The following DCUN1D4 variants were observed in gnomAD, a reference collection of about 807,000 sequenced individuals.
DCUN1D4 encodes DCN1-like protein 4.
In DCUN1D4, 22 loss-of-function variants were observed where a neutral mutation model predicts 47.9. That is an observed-to-expected ratio of 0.46 (90% CI 0.33 to 0.66). DCUN1D4 has a LOEUF of 0.66. Ranked by LOEUF, DCUN1D4 falls within the 30% of genes least tolerant of loss-of-function variation. The pLI is 0.02. For synonymous variants in DCUN1D4, 121 were observed against 112.2 expected (o/e 1.08, Z -0.50); for missense variants, 301 against 340.8 (o/e 0.88, Z 0.92).
chr4:51,888,676 A>T (rs1215793769), intron 6 of DCUN1D4, among the ~76,000 whole-genome samples: 1 of 151,066 alleles, frequency 6.6e-6, no homozygotes, highest in Non-Finnish European at 1.5e-5. Flanking sequence ...CAGAGCCGAC[A>T]TCATGCCACT....
At chr4:51,865,269 T>C (rs560365586) in intron 3 of DCUN1D4, 4 of 235,110 alleles carry the variant, frequency 1.7e-5, no homozygotes, top group South Asian at 1.3e-4. Flanking sequence ...ATAAAGTGTT[T>C]TGCAGCCAAG....
Position 51,843,180 on chromosome 4 carries a change from G to C in DCUN1D4, c.-63G>C. The C allele has an allele frequency of 6.5e-7, 1 of 1,535,360 alleles. No individual in the cohort carries two copies. The highest frequency in any genetic ancestry group is 1.2e-5 in the South Asian group (1 of 82,468). ...CTTCGAGCCGAGGTGCAGTGAGCTG[G>C]TGGGGGGACCGCGAGGCGAGCGCGG... is the stretch of plus-strand genomic sequence containing the variant. On this transcript the variant is annotated 5_prime_UTR_variant, in exon 1 of 11. Coordinates refer to ENST00000334635, the MANE Select transcript of DCUN1D4 (RefSeq NM_001040402.3).
At chr4:51,850,127 A>G (rs1001659540) in intron 1 of DCUN1D4, among the ~76,000 whole-genome samples, 1 of 152,116 alleles carries the variant, frequency 6.6e-6, no homozygotes, top group Non-Finnish European at 1.5e-5. Context: ...GGCCTCCTCC[A>G]TATTAGCTGA....
intron 1 of DCUN1D4, among the ~76,000 whole-genome samples, chr4:51,862,732 C>T (rs900076465): frequency 2.6e-5 from 4 of 152,054 alleles, no homozygotes; most frequent in South Asian, 4.2e-4. Flanking sequence ...GTTGAGGCTG[C>T]GCGTAGTGGC....
At chr4:51,844,530 T>C (rs1170020506) in intron 1 of DCUN1D4, 6 of 402,356 alleles carry the variant, frequency 1.5e-5, no homozygotes, top group Non-Finnish European at 2.0e-5. Context: ...GCCGGGGAGG[T>C]GTCGGGGTCC....
chr4:51,842,413 G>A (rs556502426), upstream of DCUN1D4, among the ~76,000 whole-genome samples: 27 of 152,340 alleles, frequency 1.8e-4, no homozygotes, highest in South Asian at 1.0e-3. Context: ...GGAAAGAAGT[G>A]TGCGAACTCT....
intron 3 of DCUN1D4, among the ~76,000 whole-genome samples, chr4:51,865,749 T>G (rs1725814242): frequency 6.6e-6 from 1 of 152,174 alleles, no homozygotes; most frequent in Non-Finnish European, 1.5e-5. Flanking sequence ...CTAAATTGGT[T>G]CAGAATCAAT....
chr4:51,896,890 TGTG>T (rs1390846592), intron 7 of DCUN1D4, among the ~76,000 whole-genome samples: 1 of 152,212 alleles, frequency 6.6e-6, no homozygotes, highest in African/African-American at 2.4e-5. Flanking sequence ...AAACCCTCAC[TGTG>T]GACTACAAAA....
chr4:51,883,251 T>C (rs1036465515), intron 5 of DCUN1D4, among the ~76,000 whole-genome samples: 36 of 152,320 alleles, frequency 2.4e-4, no homozygotes, highest in Middle Eastern at 3.4e-3. Context: ...AACTGCATTT[T>C]AGTATATATT....
At chr4:51,894,579 A>G (rs1412140047) in intron 7 of DCUN1D4, among the ~76,000 whole-genome samples, 1 of 152,202 alleles carries the variant, frequency 6.6e-6, no homozygotes, top group Admixed American at 6.5e-5. Context: ...TTATGCCAGT[A>G]AAGTAACTAA....
chr4:51,864,824 G>T (rs570980141), intron 3 of DCUN1D4, among the ~76,000 whole-genome samples: 3 of 152,302 alleles, frequency 2.0e-5, no homozygotes, highest in South Asian at 4.1e-4. Context: ...AGCAGTGCTT[G>T]TTGGGGAATT....
At chr4:51,877,983 G>C (rs934424935) in intron 5 of DCUN1D4, 129 bp downstream of exon 5, 27 of 402,718 alleles carry the variant, frequency 6.7e-5, no homozygotes, top group South Asian at 1.9e-4. Context: ...CCCTGTTAGA[G>C]GGAGAGAGGG....
intron 5 of DCUN1D4, among the ~76,000 whole-genome samples, chr4:51,885,639 C>T (rs538061804): frequency 7.9e-5 from 12 of 152,124 alleles, no homozygotes; most frequent in Admixed American, 7.2e-4. Flanking sequence ...TCTAGAAAGA[C>T]ATTTGGGTAG....
At chr4:51,834,634 G>A in the DCUN1D4 span, among the ~76,000 whole-genome samples, 1 of 152,138 alleles carries the variant, frequency 6.6e-6, no homozygotes, top group Non-Finnish European at 1.5e-5. Context: ...AGGGAACAAA[G>A]AGTGAGGTTT....
intron 1 of DCUN1D4, among the ~76,000 whole-genome samples, chr4:51,852,258 A>G (rs182864746): frequency 6.6e-6 from 1 of 152,174 alleles, no homozygotes; most frequent in African/African-American, 2.4e-5. Flanking sequence ...AAGTATTTTC[A>G]TACTCTTAAC....
chr4:51,838,516 G>A (rs1208383353), upstream of DCUN1D4, among the ~76,000 whole-genome samples: 1 of 152,062 alleles, frequency 6.6e-6, no homozygotes, highest in East Asian at 1.9e-4. Context: ...TGAGTAGCTA[G>A]GATTACAGGC....
upstream of DCUN1D4, among the ~76,000 whole-genome samples, chr4:51,841,956 G>A (rs1272951522): frequency 2.1e-5 from 3 of 140,546 alleles, no homozygotes; most frequent in African/African-American, 7.9e-5. Flanking sequence ...TTGGTGGCTG[G>A]GATGAGGGTG....
At chr4:51,843,601 G>A in intron 1 of DCUN1D4, 1 of 1,261,594 alleles carries the variant, frequency 7.9e-7, no homozygotes. Flanking sequence ...GGTGGAGGCA[G>A]CGTTGGGCTG....
intron 1 of DCUN1D4, 87 bp downstream of exon 1, chr4:51,843,354 C>G: frequency 7.0e-7 from 1 of 1,429,604 alleles, no homozygotes; most frequent in South Asian, 1.4e-5. Context: ...CCCCACGCCT[C>G]GGGTCCCGAA....
Sources: allele counts gnomAD v4.1 joint callset (sites outside exome capture counted in the v4.1 genomes callset), GRCh38; gene constraint gnomAD v4.1.1; transcripts MANE v1.5; gene names NCBI Gene and HGNC (gene_info 2026-07-23, HGNC 2026-07-21).